The following LRRC20 variants were observed in gnomAD, a reference collection of about 807,000 sequenced individuals.
LRRC20 encodes leucine-rich repeat-containing protein 20.
Under a neutral mutation model 14.4 loss-of-function variants are expected in LRRC20, and 11 were observed. That is an observed-to-expected ratio of 0.77 (90% CI 0.48 to 1.27). The LOEUF (loss-of-function observed/expected upper bound fraction) is 1.27. Ranked by LOEUF, LRRC20 falls within the 50% of genes most tolerant of loss-of-function variation. LRRC20 has a pLI of 0.00. For synonymous variants in LRRC20, 121 were observed against 107.3 expected, an observed-to-expected ratio of 1.13 and a Z score of -0.79; for missense variants, 219 against 251.2, an observed-to-expected ratio of 0.87 and a Z score of 0.87.
intron 1 of LRRC20, among the ~76,000 whole-genome samples, chr10:70,381,124 C>G (rs1844689711): frequency 6.6e-6 from 1 of 152,194 alleles, no homozygotes; most frequent in Non-Finnish European, 1.5e-5. Flanking sequence ...AGGAAGGCAG[C>G]CTAATCCATA....
chr10:70,299,964 G>A lies in LRRC20; in HGVS notation c.*1390C>T, dbSNP rs577475970. 3.0e-4 allele frequency: 46 copies of A among 152,400 alleles called. No homozygotes were observed. The highest frequency in any genetic ancestry group is 1.1e-3 in the African/African-American group (44 of 41,580). The allele number at this position is 152,400 out of a possible 1,614,324, so 9.4% of individuals were successfully genotyped here. On this transcript the variant is annotated 3_prime_UTR_variant, in exon 5 of 5. Transcript: ENST00000446961. ...CATTCTGAGCAGGGATTACTGCTCT[G>A]AGCAGTGGTCTGAGCTCTCAACATC...
chr10:70,373,895 G>A (rs1399484481), intron 2 of LRRC20, among the ~76,000 whole-genome samples: 1 of 152,188 alleles, frequency 6.6e-6, no homozygotes, highest in African/African-American at 2.4e-5. Flanking sequence ...TGGCTCCCAG[G>A]CAGTGCAGGG....
chr10:70,323,967 A>C lies in LRRC20; in HGVS notation c.296T>G (p.Leu99Arg). Residue 99 changes from leucine to arginine, a missense_variant, in exon 4 of 5, where the codon CTC becomes CGC. Leu to Arg is a moderately radical substitution (Grantham distance 102). Coordinates refer to ENST00000446961, the MANE Select transcript of LRRC20 (RefSeq NM_001278212.2). ...LPSEVSALQHLKAIDLSRNQF... is the reference protein window; with the variant it reads ...LPSEVSALQHRKAIDLSRNQF... Reference sequence around the variant, plus strand: ...GTTCCGGGACAGGTCAATGGCCTTGAGGTGCTGCAGGGCACTGACCTCGCT... The same window carrying C: ...GTTCCGGGACAGGTCAATGGCCTTGCGGTGCTGCAGGGCACTGACCTCGCT... The C allele has an allele frequency of 6.2e-7, 1 of 1,613,684 alleles. No individual in the cohort carries two copies. Among genetic ancestry groups the C allele is most frequent in the Non-Finnish European group, 8.5e-7 (1 of 1,179,608 alleles).
intron 2 of LRRC20, among the ~76,000 whole-genome samples, chr10:70,365,445 T>C (rs1300187293): frequency 1.3e-5 from 2 of 152,224 alleles, no homozygotes; most frequent in Non-Finnish European, 2.9e-5. Flanking sequence ...GAAAATCTTC[T>C]TGACCTTGGG....
chr10:70,374,261 G>A (rs1308573490), intron 2 of LRRC20, among the ~76,000 whole-genome samples: 7 of 151,802 alleles, frequency 4.6e-5, no homozygotes, highest in African/African-American at 9.7e-5. Context: ...CCAACGCCCC[G>A]GTGAGAATTG....
chr10:70,347,240 G>A (rs1012332601), intron 2 of LRRC20, among the ~76,000 whole-genome samples: 11 of 152,256 alleles, frequency 7.2e-5, no homozygotes, highest in African/African-American at 2.6e-4. Context: ...GGGAAATAGG[G>A]AAAAGCAGAT....
At chr10:70,364,827 C>T (rs964772234) in intron 2 of LRRC20, among the ~76,000 whole-genome samples, 2 of 152,202 alleles carry the variant, frequency 1.3e-5, no homozygotes, top group African/African-American at 4.8e-5. Context: ...TGCTCAGGTC[C>T]CTCCCCAGGA....
chr10:70,309,542 A>G (rs1269736933), intron 4 of LRRC20, among the ~76,000 whole-genome samples: 3 of 152,234 alleles, frequency 2.0e-5, no homozygotes, highest in Non-Finnish European at 4.4e-5. Context: ...AGTTTCACTG[A>G]GCGATTCAGT....
chr10:70,347,031 G>T (rs1238191783), intron 2 of LRRC20, among the ~76,000 whole-genome samples: 1 of 152,088 alleles, frequency 6.6e-6, no homozygotes, highest in Non-Finnish European at 1.5e-5. Flanking sequence ...GACTACAGGT[G>T]CATGCCACCA....
At chr10:70,366,588 T>C (rs1188892804) in intron 2 of LRRC20, among the ~76,000 whole-genome samples, 2 of 152,126 alleles carry the variant, frequency 1.3e-5, no homozygotes, top group Non-Finnish European at 2.9e-5. Flanking sequence ...TGTATACAAG[T>C]AAAAAACATA....
At chr10:70,315,615 AAG>A (rs1841822496) in intron 4 of LRRC20, among the ~76,000 whole-genome samples, 1 of 152,200 alleles carries the variant, frequency 6.6e-6, no homozygotes, top group East Asian at 1.9e-4. Flanking sequence ...AGGATAGCTT[AAG>A]ATGTTTTTCA....
chr10:70,300,843 G>A lies in LRRC20; in HGVS notation c.*511C>T. ...GACTGAAGACTGGGCCCTGCAGAGG[G>A]CCGCATCCAGGTCAGTTCTCAGGAA... is the stretch of plus-strand genomic sequence containing the variant. On this transcript the variant is annotated 3_prime_UTR_variant, in exon 5 of 5. Coordinates refer to ENST00000446961, the MANE Select transcript of LRRC20 (RefSeq NM_001278212.2). The A allele has an allele frequency of 4.1e-6, 4 of 986,086 alleles. No homozygotes were observed. Among genetic ancestry groups the A allele is most frequent in the Non-Finnish European group, 4.8e-6 (4 of 830,436 alleles). The allele number at this position is 986,086 out of a possible 1,614,324, so 61.1% of individuals were successfully genotyped here.
At chr10:70,379,930 T>G (rs1022795388) in intron 1 of LRRC20, among the ~76,000 whole-genome samples, 5 of 152,170 alleles carry the variant, frequency 3.3e-5, no homozygotes, top group Non-Finnish European at 7.4e-5. Flanking sequence ...ATCCATCGCA[T>G]TCGCAGTTCG....
chr10:70,323,465 C>T (rs1486540355), intron 4 of LRRC20, among the ~76,000 whole-genome samples: 1 of 152,116 alleles, frequency 6.6e-6, no homozygotes, highest in Non-Finnish European at 1.5e-5. Context: ...CTAGTGGGCC[C>T]TGCTCACTCC....
At chr10:70,349,012 C>T (rs1039147446) in intron 2 of LRRC20, among the ~76,000 whole-genome samples, 1 of 151,786 alleles carries the variant, frequency 6.6e-6, no homozygotes, top group Non-Finnish European at 1.5e-5. Context: ...CCAGGTCCCA[C>T]TAGGGAAGGG....
At chr10:70,358,664 G>C (rs562440390) in intron 2 of LRRC20, among the ~76,000 whole-genome samples, 2 of 152,298 alleles carry the variant, frequency 1.3e-5, no homozygotes, top group East Asian at 3.9e-4. Flanking sequence ...CGACCATGCT[G>C]ACTGGCTACC....
intron 4 of LRRC20, among the ~76,000 whole-genome samples, chr10:70,305,228 TA>T (rs777711816): frequency 4.7e-4 from 72 of 152,310 alleles, no homozygotes; most frequent in Non-Finnish European, 8.4e-4. Context: ...ACCCATGTCA[TA>T]ACGTGAATGA....
chr10:70,314,476 C>T (rs981513116), intron 4 of LRRC20, among the ~76,000 whole-genome samples: 2 of 152,180 alleles, frequency 1.3e-5, no homozygotes, highest in Non-Finnish European at 2.9e-5. Context: ...TCTTTCTTTG[C>T]TGCAAAACCT....
Position 70,376,593 on chromosome 10 carries a change from G to T in LRRC20, c.-60C>A. ...TGGTCTGCTTCTCACAAAAGGGCCT[G>T]AGCCTGGGGAAGACGCAGTGCCATG... On this transcript the variant is annotated 5_prime_UTR_variant, in exon 2 of 5. Transcript: ENST00000446961. 6.5e-7 allele frequency: 1 copy of T among 1,538,586 alleles called. No individual in the cohort carries two copies.
Sources: allele counts gnomAD v4.1 joint callset (sites outside exome capture counted in the v4.1 genomes callset), GRCh38; gene constraint gnomAD v4.1.1; transcripts MANE v1.5; gene names NCBI Gene and HGNC (gene_info 2026-07-23, HGNC 2026-07-21).